The following PPM1E variants were observed in gnomAD, a reference collection of about 807,000 sequenced individuals.
PPM1E encodes protein phosphatase, Mg2+/Mn2+ dependent 1E, also known as protein phosphatase 1E.
In PPM1E, 20 loss-of-function variants were observed where a neutral mutation model predicts 65.9. The ratio of observed to expected loss-of-function variants is 0.30; its 90% confidence interval spans 0.21 to 0.44. PPM1E has a LOEUF of 0.44. Among genes scored for constraint, PPM1E ranks in the 20% least tolerant of loss-of-function variants. The probability of loss-of-function intolerance (pLI) is 1.00; values close to 1 mark genes in which losing one functional copy is unlikely to be tolerated. For missense variants in PPM1E, 713 were observed against 953.1 expected (o/e 0.75, Z 3.32); for synonymous variants, 352 against 374.9 (o/e 0.94, Z 0.70).
At position 58,755,934 on chromosome 17, in the gene PPM1E, GC is replaced by G. The variant is rs2049753752; in HGVS notation, c.-60del. 7.5e-6 allele frequency: 12 copies of G among 1,604,584 alleles called. No homozygotes were observed. Among genetic ancestry groups the G allele is most frequent in the East Asian group, 2.2e-5 (1 of 44,740 alleles). On this transcript the variant is annotated 5_prime_UTR_variant, in exon 1 of 7. Transcript: ENST00000308249. Reference sequence around the variant, plus strand: ...TGCCGGAGCCCTAGGCTCAAAAGCAGCCCCTTACCCTTCCTGGGCTTCCCCC... The same window carrying G: ...TGCCGGAGCCCTAGGCTCAAAAGCAGCCCTTACCCTTCCTGGGCTTCCCCC...
intron 1 of PPM1E, among the ~76,000 whole-genome samples, chr17:58,816,526 C>T (rs1411302904): frequency 1.3e-5 from 2 of 151,058 alleles, no homozygotes; most frequent in Admixed American, 1.3e-4. Context: ...GACTTCATAC[C>T]CATTAAACAA....
chr17:58,851,479 T>C lies in PPM1E; in HGVS notation c.464+95018T>C, dbSNP rs1028879654. Reference sequence around the variant, plus strand: ...GTTTTGGTGTAGATGTCCTTTGTGTTTGTTAGTTTTCCTTCTAACAGTCAG... The same window carrying C: ...GTTTTGGTGTAGATGTCCTTTGTGTCTGTTAGTTTTCCTTCTAACAGTCAG... On this transcript the variant is annotated intron_variant, in intron 1 of 6. Coordinates refer to ENST00000308249, the MANE Select transcript of PPM1E (RefSeq NM_014906.5). 1.2e-4 allele frequency among the ~76,000 whole-genome samples: 19 copies of C among 152,106 alleles called. 1 individual carries two copies. The highest frequency in any genetic ancestry group is 1.2e-3 in the Admixed American group (18 of 15,280).
chr17:58,887,035 A>C (rs1453114714), intron 1 of PPM1E, among the ~76,000 whole-genome samples: 1 of 152,238 alleles, frequency 6.6e-6, no homozygotes, highest in African/African-American at 2.4e-5. Flanking sequence ...TAAAAATGTT[A>C]GCACTGCATA....
chr17:58,928,412 G>A (rs1243874216), intron 1 of PPM1E, among the ~76,000 whole-genome samples: 1 of 151,838 alleles, frequency 6.6e-6, no homozygotes, highest in East Asian at 1.9e-4. Flanking sequence ...TGAACTCTTA[G>A]AGAAGGTATT....
At chr17:58,848,669 G>A (rs1330418515) in intron 1 of PPM1E, among the ~76,000 whole-genome samples, 7 of 152,140 alleles carry the variant, frequency 4.6e-5, no homozygotes. Flanking sequence ...GCTGGATTCG[G>A]TTTGCCAGTA....
At chr17:58,937,550 C>T (rs1224250044) in intron 1 of PPM1E, among the ~76,000 whole-genome samples, 2 of 149,324 alleles carry the variant, frequency 1.3e-5, no homozygotes, top group Non-Finnish European at 3.0e-5. Flanking sequence ...TCGTGAGCCA[C>T]ATACCTGGCC....
At chr17:58,837,734 G>A (rs1429678138) in intron 1 of PPM1E, among the ~76,000 whole-genome samples, 1 of 152,082 alleles carries the variant, frequency 6.6e-6, no homozygotes, top group Non-Finnish European at 1.5e-5. Context: ...CTGACCTCAG[G>A]TGATCCACCC....
Position 58,983,459 on chromosome 17 carries a change from C to T in PPM1E, c.*2428C>T, listed in dbSNP as rs1275223626. On this transcript the variant is annotated 3_prime_UTR_variant, in exon 7 of 7. Coordinates refer to ENST00000308249, the MANE Select transcript of PPM1E (RefSeq NM_014906.5). ...GAAATGCAGTGTTCTCTCTTAACGC[C>T]ACTGGTGATAGGAAGTAGTTCCCTT... 6.6e-6 allele frequency: 1 copy of T among 152,660 alleles called. No homozygotes were observed. The highest frequency in any genetic ancestry group is 1.9e-4 in the East Asian group (1 of 5,202). The allele number at this position is 152,660 out of a possible 1,614,324, so 9.5% of individuals were successfully genotyped here. A position where few individuals can be genotyped will look rare whatever the true frequency, so the allele number is the denominator to read the frequency against.
chr17:58,978,937 C>T (rs1303627499), intron 6 of PPM1E, among the ~76,000 whole-genome samples: 2 of 152,094 alleles, frequency 1.3e-5, no homozygotes, highest in Admixed American at 6.6e-5. Flanking sequence ...TCTGCAGTCT[C>T]GCTCCTACCC....
At chr17:58,827,733 T>C (rs1259014622) in intron 1 of PPM1E, among the ~76,000 whole-genome samples, 2 of 150,438 alleles carry the variant, frequency 1.3e-5, no homozygotes, top group Non-Finnish European at 3.0e-5. Context: ...AAACCCTGTC[T>C]CTACTAAAAA....
chr17:58,980,524 A>G lies in PPM1E; in HGVS notation c.1761A>G (p.Leu587=). The G allele has an allele frequency of 1.2e-6, 2 of 1,614,212 alleles. No individual in the cohort carries two copies. The highest frequency in any genetic ancestry group is 1.7e-6 in the Non-Finnish European group (2 of 1,180,038). ...ASKPHSAQFL[L]PVEMFGPGAP... ...AACCTCACAGTGCCCAGTTTTTGCT[A>G]CCAGTTGAGATGTTTGGTCCTGGTG... The change falls in exon 7 of 7, where the codon CTA becomes CTG. Residue 587 remains leucine (L), a synonymous_variant. Transcript: ENST00000308249. The surrounding 1 kb of genome is among the most constrained non-coding windows in gnomAD (Gnocchi z 4.7).
chr17:58,898,980 G>A (rs944035108), intron 1 of PPM1E, among the ~76,000 whole-genome samples: 4 of 149,692 alleles, frequency 2.7e-5, no homozygotes, highest in South Asian at 2.1e-4. Context: ...GACACAGGGC[G>A]AGGAACATCA....
chr17:58,756,565 T>C (rs966358386), intron 1 of PPM1E, 104 bp downstream of exon 1: 1 of 1,186,654 alleles, frequency 8.4e-7, no homozygotes, highest in Non-Finnish European at 1.1e-6. Context: ...TCTGCTCCTC[T>C]CCCCCGCACC....
intron 1 of PPM1E, among the ~76,000 whole-genome samples, chr17:58,761,585 G>A (rs1043779655): frequency 1.3e-5 from 2 of 152,146 alleles, no homozygotes; most frequent in African/African-American, 4.8e-5. Flanking sequence ...TTTGCACATA[G>A]TATATTTTTC....
Position 58,793,201 on chromosome 17 carries a change from CTT to C in PPM1E, c.464+36742_464+36743del, listed in dbSNP as rs564199896. On this transcript the variant is annotated intron_variant, in intron 1 of 6. Coordinates refer to ENST00000308249, the MANE Select transcript of PPM1E (RefSeq NM_014906.5). ...CCTTCTTCATCTTTTAACCTTGAATCTTTGTTATTTCCTTCTTTGCTGATTCC... is the reference window on the plus strand; with the variant it reads ...CCTTCTTCATCTTTTAACCTTGAATCTGTTATTTCCTTCTTTGCTGATTCC... Among the ~76,000 whole-genome samples, 60 of 152,042 alleles carry C rather than the reference CTT, an allele frequency of 3.9e-4. 2 individuals are homozygous for C. In the Middle Eastern group the frequency reaches 0.017, roughly 43 times the overall value.
chr17:58,790,036 A>G (rs777310295), intron 1 of PPM1E, among the ~76,000 whole-genome samples: 2 of 152,074 alleles, frequency 1.3e-5, no homozygotes, highest in African/African-American at 4.8e-5. Context: ...GCAAATATTT[A>G]TTGCATTTAT....
At chr17:58,787,607 G>A (rs1467422917) in intron 1 of PPM1E, among the ~76,000 whole-genome samples, 1 of 151,826 alleles carries the variant, frequency 6.6e-6, no homozygotes, top group Non-Finnish European at 1.5e-5. Context: ...TCACTTATGA[G>A]TACTTTAGTA....
chr17:58,763,611 A>T (rs1343080185), intron 1 of PPM1E, among the ~76,000 whole-genome samples: 2 of 152,088 alleles, frequency 1.3e-5, no homozygotes, highest in Non-Finnish European at 2.9e-5. Context: ...TTTCTTGGGT[A>T]TGTTTCTAGA....
chr17:58,842,709 C>G (rs9899139), intron 1 of PPM1E, among the ~76,000 whole-genome samples: 1 of 151,788 alleles, frequency 6.6e-6, no homozygotes, highest in Admixed American at 6.6e-5. Context: ...GAGGCCAAGG[C>G]GGGTGGATCA....
Sources: allele counts gnomAD v4.1 joint callset (sites outside exome capture counted in the v4.1 genomes callset), GRCh38; gene constraint gnomAD v4.1.1; non-coding constraint Gnocchi (gnomAD v3.1); transcripts MANE v1.5; gene names NCBI Gene and HGNC (gene_info 2026-07-23, HGNC 2026-07-21).